The following PCDHGB1 variants were observed in gnomAD, a reference collection of about 807,000 sequenced individuals.
PCDHGB1 encodes the protein protocadherin gamma-B1.
In PCDHGB1, 34 loss-of-function variants were observed where a neutral mutation model predicts 56.6. The observed-to-expected ratio is 0.60, with a 90% CI of 0.46 to 0.80. The LOEUF is 0.80. Among genes scored for constraint, PCDHGB1 ranks in the 30% least tolerant of loss-of-function variants. The probability of loss-of-function intolerance (pLI) is 0.00; values close to 1 mark genes in which losing one functional copy is unlikely to be tolerated. For synonymous variants in PCDHGB1, 561 were observed against 505.9 expected, an observed-to-expected ratio of 1.11 and a Z score of -1.46; for missense variants, 1,278 against 1,204.6, an observed-to-expected ratio of 1.06 and a Z score of -0.90.
At chr5:141,409,973 G>A in intron 1 of PCDHGB1, 1 of 1,613,380 alleles carries the variant, frequency 6.2e-7, no homozygotes, top group Non-Finnish European at 8.5e-7. Context: ...AGTGACTAAG[G>A]TGGTAGCGGT....
intron 1 of PCDHGB1, chr5:141,399,118 A>G: frequency 6.2e-7 from 1 of 1,613,822 alleles, no homozygotes; most frequent in Non-Finnish European, 8.5e-7. Context: ...TACAGTTGAA[A>G]TTAATATTCA....
intron 1 of PCDHGB1, among the ~76,000 whole-genome samples, chr5:141,450,145 T>A (rs2098671113): frequency 6.6e-6 from 1 of 151,890 alleles, no homozygotes; most frequent in South Asian, 2.1e-4. Flanking sequence ...TAGCTGGGAC[T>A]ACAGGCATGT....
chr5:141,386,009 G>T (rs956571005), intron 1 of PCDHGB1: 7 of 152,222 alleles, frequency 4.6e-5, no homozygotes, highest in Non-Finnish European at 8.8e-5. Context: ...CATTTTAAGT[G>T]TTGTAATTGG....
intron 1 of PCDHGB1, chr5:141,359,955 C>G (rs1375223360): frequency 1.1e-5 from 6 of 566,630 alleles, no homozygotes; most frequent in Non-Finnish European, 1.7e-5. Flanking sequence ...GTCAAAAGAA[C>G]GAAGAGAAGC....
chr5:141,372,088 C>T (rs1768398605), intron 1 of PCDHGB1: 4 of 1,613,762 alleles, frequency 2.5e-6, no homozygotes, highest in Middle Eastern at 1.7e-4. Context: ...GTGCTGTACC[C>T]AGCTCTGGGG....
At chr5:141,423,790 T>C (rs1561813105) in intron 1 of PCDHGB1, 2 of 1,261,874 alleles carry the variant, frequency 1.6e-6, no homozygotes, top group Non-Finnish European at 1.0e-6. Context: ...TTCATATATA[T>C]TTAGAGCAAT....
chr5:141,424,246 A>G (rs971050268), intron 1 of PCDHGB1: 2 of 154,772 alleles, frequency 1.3e-5, no homozygotes, highest in African/African-American at 4.8e-5. Context: ...GTGGCTGGTA[A>G]TATGCTTAGA....
intron 1 of PCDHGB1, chr5:141,371,427 C>T (rs773502490): frequency 1.1e-5 from 17 of 1,613,780 alleles, no homozygotes; most frequent in African/African-American, 1.3e-5. Flanking sequence ...TGACAATGCC[C>T]CGGAGATAAC....
At chr5:141,469,543 C>T (rs1031152008) in intron 1 of PCDHGB1, among the ~76,000 whole-genome samples, 1 of 152,040 alleles carries the variant, frequency 6.6e-6, no homozygotes, top group Non-Finnish European at 1.5e-5. Context: ...CCACTGCACT[C>T]CAGCCTGGCG....
intron 1 of PCDHGB1, chr5:141,372,687 T>G: frequency 6.2e-7 from 1 of 1,614,018 alleles, no homozygotes. Flanking sequence ...AAACACCGAG[T>G]TTAAATTTCT....
intron 1 of PCDHGB1, chr5:141,421,414 C>G: frequency 6.2e-7 from 1 of 1,614,066 alleles, no homozygotes; most frequent in Non-Finnish European, 8.5e-7. Flanking sequence ...GCTGGCGAAG[C>G]GCGGAGTCCG....
chr5:141,423,765 G>A (rs775053869), intron 1 of PCDHGB1: 11 of 233,406 alleles, frequency 4.7e-5, no homozygotes, highest in Admixed American at 1.2e-4. Context: ...GGGGGGTGGG[G>A]CGGCATATAT....
chr5:141,366,642 C>T, intron 1 of PCDHGB1: 2 of 1,614,238 alleles, frequency 1.2e-6, no homozygotes, highest in Non-Finnish European at 1.7e-6. Flanking sequence ...CTGATCTTTC[C>T]CCAGCCCAAC....
At chr5:141,449,630 T>A (rs1006977026) in intron 1 of PCDHGB1, among the ~76,000 whole-genome samples, 6 of 150,024 alleles carry the variant, frequency 4.0e-5, no homozygotes, top group Non-Finnish European at 8.9e-5. Flanking sequence ...TTTAAAAAGA[T>A]GTATCTATAT....
At chr5:141,392,746 G>T in intron 1 of PCDHGB1, 1 of 1,443,974 alleles carries the variant, frequency 6.9e-7, no homozygotes, top group South Asian at 1.5e-5. Flanking sequence ...CATAGCTGCG[G>T]CAAGAAACTA....
intron 1 of PCDHGB1, chr5:141,423,010 G>C: frequency 6.2e-7 from 1 of 1,614,226 alleles, no homozygotes; most frequent in South Asian, 1.1e-5. Context: ...GGTGGTTGCG[G>C]TGGACAAAGA....
intron 1 of PCDHGB1, among the ~76,000 whole-genome samples, chr5:141,452,760 G>A (rs920853226): frequency 3.3e-5 from 5 of 152,120 alleles, no homozygotes; most frequent in Non-Finnish European, 7.4e-5. Context: ...AAGGAAGGGA[G>A]GGAGGGAAAA....
chr5:141,425,013 G>T (rs1666336437), intron 1 of PCDHGB1, among the ~76,000 whole-genome samples: 1 of 152,108 alleles, frequency 6.6e-6, no homozygotes, highest in Non-Finnish European at 1.5e-5. Flanking sequence ...TCTCATTTAG[G>T]AATTTACCTT....
chr5:141,362,542 G>A, intron 1 of PCDHGB1: 1 of 1,613,768 alleles, frequency 6.2e-7, no homozygotes, highest in Non-Finnish European at 8.5e-7. Context: ...TTTTGCCTCA[G>A]ATACTATTTT....
Sources: gnomAD v4.1 joint callset for allele counts (sites outside exome capture counted in the v4.1 genomes callset) on GRCh38, gnomAD v4.1.1 for gene constraint, MANE v1.5 for transcripts, NCBI Gene and HGNC (gene_info 2026-07-23, HGNC 2026-07-21) for gene names.